COP1: variants seen among roughly 807,000 people sequenced by gnomAD.
COP1 encodes the protein COP1 E3 ubiquitin ligase.
Under a neutral mutation model 101.3 loss-of-function variants are expected in COP1, and 24 were observed. The observed-to-expected ratio is 0.24, with a 90% CI of 0.17 to 0.33. The LOEUF (loss-of-function observed/expected upper bound fraction) is 0.33, where lower values mean the gene tolerates loss of function less well. Among genes scored for constraint, COP1 ranks in the 10% least tolerant of loss-of-function variants. COP1 has a pLI of 1.00. For synonymous variants in COP1, 347 were observed against 341.9 expected (o/e 1.01, Z -0.17); for missense variants, 663 against 906.2 (o/e 0.73, Z 3.45).
chr1:176,151,616 T>C (rs539398167), intron 5 of COP1, among the ~76,000 whole-genome samples: 1 of 152,272 alleles, frequency 6.6e-6, no homozygotes, highest in East Asian at 1.9e-4. Flanking sequence ...TTTTGTTGTA[T>C]TCTAAAAGAA....
chr1:175,960,195 G>A (rs1019458843), intron 18 of COP1, among the ~76,000 whole-genome samples: 7 of 152,098 alleles, frequency 4.6e-5, no homozygotes, highest in African/African-American at 1.7e-4. Flanking sequence ...AAATTAACAG[G>A]TGGACAAAAC....
intron 9 of COP1, among the ~76,000 whole-genome samples, chr1:176,110,169 G>A (rs771499738): frequency 3.9e-5 from 6 of 152,010 alleles, no homozygotes; most frequent in Non-Finnish European, 5.9e-5. Flanking sequence ...CCAATTTTTC[G>A]AAATTCTCCA....
chr1:176,115,693 C>T (rs1367484405), intron 9 of COP1, among the ~76,000 whole-genome samples: 1 of 151,932 alleles, frequency 6.6e-6, no homozygotes, highest in Non-Finnish European at 1.5e-5. Context: ...TTGCAGTGAG[C>T]CGAGATCGTA....
chr1:176,172,945 CCA>C (rs1696313770), intron 3 of COP1, among the ~76,000 whole-genome samples: 2 of 152,120 alleles, frequency 1.3e-5, no homozygotes, highest in Non-Finnish European at 2.9e-5. Flanking sequence ...AATGTTATTT[CCA>C]CAGTTGACAA....
intron 14 of COP1, 63 bp from the exon 15 acceptor site, chr1:176,027,751 T>A: frequency 1.0e-6 from 1 of 988,128 alleles, no homozygotes; most frequent in Non-Finnish European, 1.6e-6. Flanking sequence ...AATGCTTCTG[T>A]AACTTGGGAA....
intron 8 of COP1, among the ~76,000 whole-genome samples, 190 bp from the exon 9 acceptor site, chr1:176,116,871 C>T (rs1367333382): frequency 6.6e-6 from 1 of 152,088 alleles, no homozygotes; most frequent in East Asian, 1.9e-4. Flanking sequence ...AGCAATTTAC[C>T]ACTTCAACCC....
intron 11 of COP1, among the ~76,000 whole-genome samples, chr1:176,063,050 T>TTTTG (rs1675211276): frequency 7.5e-6 from 1 of 132,566 alleles, no homozygotes; most frequent in Non-Finnish European, 1.6e-5. Context: ...TGAAAATGTT[T>TTTTG]TTTTTTTTTT....
intron 9 of COP1, among the ~76,000 whole-genome samples, chr1:176,112,146 C>T (rs561032761): frequency 2.8e-4 from 43 of 151,574 alleles, no homozygotes; most frequent in African/African-American, 7.5e-4. Flanking sequence ...AAGATATTTA[C>T]GTACTGTCTC....
chr1:176,041,140 A>G (rs949597697), intron 14 of COP1, among the ~76,000 whole-genome samples: 1 of 152,212 alleles, frequency 6.6e-6, no homozygotes, highest in Non-Finnish European at 1.5e-5. Flanking sequence ...AATACAATGC[A>G]GCACATAGAG....
intron 1 of COP1, among the ~76,000 whole-genome samples, chr1:176,187,493 C>T (rs2102078082): frequency 6.6e-6 from 1 of 152,158 alleles, no homozygotes; most frequent in South Asian, 2.1e-4. Context: ...GAGCGATTCT[C>T]CCACTCTGGC....
At chr1:176,191,005 T>C (rs1354608111) in intron 1 of COP1, among the ~76,000 whole-genome samples, 2 of 152,034 alleles carry the variant, frequency 1.3e-5, no homozygotes, top group Admixed American at 6.6e-5. Context: ...ACACCTCACA[T>C]AAACAGGACT....
At chr1:175,949,419 T>C (rs1431304919) in intron 18 of COP1, among the ~76,000 whole-genome samples, 1 of 152,096 alleles carries the variant, frequency 6.6e-6, no homozygotes, top group Non-Finnish European at 1.5e-5. Context: ...TAACTTACCC[T>C]GAGTTGGTTA....
At chr1:175,956,485 A>G (rs1308330393) in intron 18 of COP1, among the ~76,000 whole-genome samples, 1 of 152,090 alleles carries the variant, frequency 6.6e-6, no homozygotes, top group Admixed American at 6.6e-5. Context: ...AAAAACATGT[A>G]CAATAAAGGA....
chr1:176,175,758 CTA>C (rs1696846874), intron 3 of COP1, 150 bp downstream of exon 3: 1 of 438,554 alleles, frequency 2.3e-6, no homozygotes, highest in African/African-American at 2.0e-5. Context: ...TGTATAGAAT[CTA>C]TGTCACAACC....
intron 15 of COP1, among the ~76,000 whole-genome samples, chr1:176,023,177 A>G (rs1205243574): frequency 6.6e-6 from 1 of 152,210 alleles, no homozygotes; most frequent in African/African-American, 2.4e-5. Flanking sequence ...CAGGAAGCCA[A>G]GCCTACAGAA....
chr1:176,137,303 T>C (rs1245485051), intron 6 of COP1, among the ~76,000 whole-genome samples: 2 of 152,210 alleles, frequency 1.3e-5, no homozygotes, highest in Non-Finnish European at 2.9e-5. Flanking sequence ...TTAAGTTGCC[T>C]GCAAACTATC....
chr1:176,000,487 G>A (rs147526246), intron 15 of COP1, among the ~76,000 whole-genome samples: 1 of 151,954 alleles, frequency 6.6e-6, no homozygotes, highest in African/African-American at 2.4e-5. Context: ...AGTAATGTCT[G>A]CACTATGAAG....
intron 11 of COP1, among the ~76,000 whole-genome samples, chr1:176,073,404 A>G (rs1205506730): frequency 6.6e-6 from 1 of 152,206 alleles, no homozygotes; most frequent in Non-Finnish European, 1.5e-5. Flanking sequence ...ATGTTTAACA[A>G]TTTTTACCAT....
intron 3 of COP1, among the ~76,000 whole-genome samples, chr1:176,175,631 T>C (rs1430200609): frequency 1.3e-5 from 2 of 152,184 alleles, no homozygotes; most frequent in African/African-American, 4.8e-5. Flanking sequence ...TGCAGCCCAG[T>C]TCCTAATAGG....
Sources: gnomAD v4.1 joint callset for allele counts (sites outside exome capture counted in the v4.1 genomes callset) on GRCh38, gnomAD v4.1.1 for gene constraint, MANE v1.5 for transcripts, NCBI Gene and HGNC (gene_info 2026-07-23, HGNC 2026-07-21) for gene names.